Variants in STAG1 observed in about 807,000 individuals in gnomAD.
The protein encoded by STAG1 is STAG1 cohesin complex component.
In STAG1, 26 loss-of-function variants were observed where a neutral mutation model predicts 170.9. That is an observed-to-expected ratio of 0.15 (90% CI 0.11 to 0.21). The LOEUF (loss-of-function observed/expected upper bound fraction) is 0.21. Among genes scored for constraint, STAG1 ranks in the 10% least tolerant of loss-of-function variants. The pLI is 1.00. For missense variants in STAG1, 964 were observed against 1,509.5 expected (o/e 0.64, Z 5.99); for synonymous variants, 514 against 497.7 (o/e 1.03, Z -0.44).
At chr3:136,438,525 G>A (rs2088529515) in intron 15 of STAG1, among the ~76,000 whole-genome samples, 1 of 152,052 alleles carries the variant, frequency 6.6e-6, no homozygotes, top group Non-Finnish European at 1.5e-5. Flanking sequence ...GTGCCTGGTT[G>A]CCTTATCATT....
intron 6 of STAG1, among the ~76,000 whole-genome samples, chr3:136,529,428 A>G (rs1284422794): frequency 6.6e-6 from 1 of 152,172 alleles, no homozygotes; most frequent in African/African-American, 2.4e-5. Context: ...TCAGACTACC[A>G]GTAAATTTCT....
At chr3:136,470,568 G>A (rs1227351166) in intron 12 of STAG1, among the ~76,000 whole-genome samples, 1 of 152,220 alleles carries the variant, frequency 6.6e-6, no homozygotes, top group Non-Finnish European at 1.5e-5. Flanking sequence ...CATTGTGGAA[G>A]ACAGTGTGGC....
intron 8 of STAG1, among the ~76,000 whole-genome samples, chr3:136,501,965 T>C (rs1933502047): frequency 6.6e-6 from 1 of 152,080 alleles, no homozygotes. Flanking sequence ...GCGGATCACC[T>C]GAGGTTGGGA....
chr3:136,738,624 C>T (rs1029490013), intron 1 of STAG1, among the ~76,000 whole-genome samples: 1 of 152,160 alleles, frequency 6.6e-6, no homozygotes, highest in Admixed American at 6.5e-5. Context: ...CACTGCCATC[C>T]AGCCTAGGCA....
chr3:136,692,432 C>T (rs980998226), intron 1 of STAG1, among the ~76,000 whole-genome samples: 8 of 150,204 alleles, frequency 5.3e-5, no homozygotes, highest in East Asian at 2.0e-4. Flanking sequence ...GTCAAGAGTT[C>T]GAGACCAGCC....
intron 4 of STAG1, among the ~76,000 whole-genome samples, chr3:136,590,897 G>C (rs1261924089): frequency 6.6e-6 from 1 of 151,962 alleles, no homozygotes; most frequent in African/African-American, 2.4e-5. Context: ...TATCCAATTA[G>C]TTATCTGTGA....
intron 9 of STAG1, among the ~76,000 whole-genome samples, chr3:136,493,517 T>C (rs2090159099): frequency 6.6e-6 from 1 of 151,684 alleles, no homozygotes; most frequent in African/African-American, 2.4e-5. Flanking sequence ...TAGCCAGGCA[T>C]AGTGATGTGT....
chr3:136,353,022 T>G (rs901216552), intron 28 of STAG1, among the ~76,000 whole-genome samples: 1 of 152,164 alleles, frequency 6.6e-6, no homozygotes, highest in Non-Finnish European at 1.5e-5. Context: ...AGAGTATCAA[T>G]TTTAAAACAG....
chr3:136,366,427 AC>A (rs1937075944), intron 25 of STAG1, among the ~76,000 whole-genome samples: 1 of 152,050 alleles, frequency 6.6e-6, no homozygotes, highest in Non-Finnish European at 1.5e-5. Flanking sequence ...TCTTACTTAA[AC>A]CTCTGGCTAC....
chr3:136,381,818 T>C (rs1337834295), intron 22 of STAG1, among the ~76,000 whole-genome samples: 1 of 152,192 alleles, frequency 6.6e-6, no homozygotes, highest in Non-Finnish European at 1.5e-5. Context: ...TTAAAGATTT[T>C]TAAAATCTAT....
chr3:136,666,108 A>G (rs200430354), intron 1 of STAG1, among the ~76,000 whole-genome samples: 240 of 141,318 alleles, frequency 1.7e-3, no homozygotes, highest in Middle Eastern at 0.014. Context: ...AAAAAAAAAA[A>G]AAAGAAAGAA....
chr3:136,493,171 G>C (rs531996432), intron 9 of STAG1, among the ~76,000 whole-genome samples: 2 of 151,968 alleles, frequency 1.3e-5, no homozygotes, highest in South Asian at 4.1e-4. Context: ...GCGAAACTTC[G>C]TCTCTACTGA....
At chr3:136,612,147 T>C (rs879864179) in intron 3 of STAG1, among the ~76,000 whole-genome samples, 39 of 152,164 alleles carry the variant, frequency 2.6e-4, no homozygotes, top group Admixed American at 2.1e-3. Context: ...GCGCCTGGCC[T>C]ATGTGTGGAT....
intron 4 of STAG1, among the ~76,000 whole-genome samples, chr3:136,573,110 T>C (rs1651017943): frequency 6.6e-6 from 1 of 151,832 alleles, no homozygotes; most frequent in Non-Finnish European, 1.5e-5. Flanking sequence ...GTCCAGGAGT[T>C]TAAGGTTGCA....
At chr3:136,539,542 A>G (rs1369262364) in intron 6 of STAG1, among the ~76,000 whole-genome samples, 1 of 152,238 alleles carries the variant, frequency 6.6e-6, no homozygotes, top group Non-Finnish European at 1.5e-5. Context: ...AACATATGAA[A>G]ACTATGCAAT....
At chr3:136,464,813 A>G in intron 13 of STAG1, 68 bp downstream of exon 13, 1 of 1,353,008 alleles carries the variant, frequency 7.4e-7, no homozygotes, top group Non-Finnish European at 1.0e-6. Context: ...ACTCTCTTCT[A>G]CAAACTCTAA....
At chr3:136,611,658 CTTTTTTTTTTTTT>C (rs760493827) in intron 3 of STAG1, among the ~76,000 whole-genome samples, 37 of 72,568 alleles carry the variant, frequency 5.1e-4, no homozygotes, top group Non-Finnish European at 6.9e-4. Context: ...CCACACCCAG[CTTTTTTTTTTTTT>C]TTTTTTTTTT....
chr3:136,746,233 A>T (rs1473552152), intron 1 of STAG1, among the ~76,000 whole-genome samples: 3 of 152,100 alleles, frequency 2.0e-5, no homozygotes, highest in Non-Finnish European at 4.4e-5. Flanking sequence ...AATTCTAAAG[A>T]TTTATATTTT....
At chr3:136,687,363 T>C (rs1942563979) in intron 1 of STAG1, among the ~76,000 whole-genome samples, 1 of 152,222 alleles carries the variant, frequency 6.6e-6, no homozygotes. Flanking sequence ...AACAGGGTCA[T>C]AAATGTTTTT....
Sources: allele counts gnomAD v4.1 joint callset (sites outside exome capture counted in the v4.1 genomes callset), GRCh38; gene constraint gnomAD v4.1.1; transcripts MANE v1.5; gene names NCBI Gene and HGNC (gene_info 2026-07-23, HGNC 2026-07-21).